CRPPA: variants seen among roughly 807,000 people sequenced by gnomAD.
CRPPA encodes D-ribitol-5-phosphate cytidylyltransferase.
CRPPA carries 43 observed loss-of-function variants against 52.0 expected under a neutral mutation model. The observed-to-expected ratio is 0.83, with a 90% CI of 0.65 to 1.07. The LOEUF is 1.07. CRPPA is among the 50% of genes least tolerant of loss of function. CRPPA has a pLI of 0.00. For missense variants in CRPPA, 629 were observed against 551.7 expected, an observed-to-expected ratio of 1.14 and a Z score of -1.40; for synonymous variants, 250 against 203.5, an observed-to-expected ratio of 1.23 and a Z score of -1.94.
intron 2 of CRPPA, among the ~76,000 whole-genome samples, chr7:16,387,579 AT>A (rs1417787587): frequency 1.3e-5 from 2 of 148,396 alleles, no homozygotes; most frequent in Non-Finnish European, 3.0e-5. Context: ...TTTTAAATCT[AT>A]CACATGCTGT....
At chr7:16,241,058 A>C (rs918206828) in intron 8 of CRPPA, among the ~76,000 whole-genome samples, 2 of 152,162 alleles carry the variant, frequency 1.3e-5, no homozygotes, top group Non-Finnish European at 2.9e-5. Context: ...TATATGATAC[A>C]CAGTAATACA....
intron 2 of CRPPA, among the ~76,000 whole-genome samples, chr7:16,395,340 C>T (rs116557647): frequency 5.3e-5 from 8 of 152,136 alleles, no homozygotes; most frequent in Non-Finnish European, 1.0e-4. Flanking sequence ...ATACAGCAGG[C>T]ACTAACATGC....
intron 5 of CRPPA, among the ~76,000 whole-genome samples, chr7:16,283,700 G>A (rs1418157569): frequency 6.6e-6 from 1 of 151,686 alleles, no homozygotes; most frequent in Non-Finnish European, 1.5e-5. Flanking sequence ...TAGTGAGATA[G>A]AGCTGCATTC....
At chr7:16,155,792 G>C (rs1325351982) in intron 9 of CRPPA, among the ~76,000 whole-genome samples, 3 of 152,036 alleles carry the variant, frequency 2.0e-5, no homozygotes, top group African/African-American at 7.2e-5. Context: ...CTGTGCAGTG[G>C]GTCAGCACGT....
chr7:16,325,070 A>T (rs1032089967), intron 3 of CRPPA, among the ~76,000 whole-genome samples: 2 of 152,198 alleles, frequency 1.3e-5, no homozygotes, highest in African/African-American at 4.8e-5. Context: ...GCTTCTGTTG[A>T]ATTCATAAAC....
At chr7:16,293,495 G>A (rs1784604337) in intron 5 of CRPPA, among the ~76,000 whole-genome samples, 1 of 151,858 alleles carries the variant, frequency 6.6e-6, no homozygotes, top group Non-Finnish European at 1.5e-5. Flanking sequence ...ATATCTCTAA[G>A]TTTCATCTGT....
intron 3 of CRPPA, among the ~76,000 whole-genome samples, chr7:16,310,520 T>A (rs1785011125): frequency 6.6e-6 from 1 of 152,146 alleles, no homozygotes. Flanking sequence ...CTGCAATTTT[T>A]TAAAAACTAT....
intron 2 of CRPPA, among the ~76,000 whole-genome samples, chr7:16,403,637 G>C (rs1583583839): frequency 6.6e-6 from 1 of 152,202 alleles, no homozygotes; most frequent in Non-Finnish European, 1.5e-5. Flanking sequence ...AAAACAGTCT[G>C]AACGGTGTGT....
chr7:16,399,507 C>CGT (rs10641608), intron 2 of CRPPA, among the ~76,000 whole-genome samples: 75,686 of 151,674 alleles, frequency 0.5, 20,452 homozygotes, highest in African/African-American at 0.71. Flanking sequence ...TCGTGACCAA[C>CGT]GTGACCAGAG....
intron 8 of CRPPA, among the ~76,000 whole-genome samples, chr7:16,239,137 C>CAAAAAAAAAAAAAAAAAA (rs35537101): frequency 1.0e-4 from 9 of 88,504 alleles, no homozygotes; most frequent in Non-Finnish European, 2.0e-4. Flanking sequence ...GACTCTGTCT[C>CAAAAAAAAAAAAAAAAAA]AAAAAAAAAA....
intron 2 of CRPPA, among the ~76,000 whole-genome samples, chr7:16,401,043 G>A (rs1043674920): frequency 1.3e-5 from 2 of 152,164 alleles, no homozygotes; most frequent in Non-Finnish European, 1.5e-5. Context: ...ATAGAGGCAT[G>A]ACTAATTCAA....
intron 2 of CRPPA, among the ~76,000 whole-genome samples, chr7:16,392,347 C>A (rs1427101921): frequency 2.6e-5 from 4 of 152,094 alleles, no homozygotes. Context: ...ATCACCCATG[C>A]AGAAAACATC....
chr7:16,159,911 T>C (rs975160448), intron 9 of CRPPA, among the ~76,000 whole-genome samples: 5 of 152,196 alleles, frequency 3.3e-5, no homozygotes, highest in African/African-American at 1.2e-4. Context: ...CTCATTGTGG[T>C]TTTGATTTGC....
chr7:16,253,524 A>G (rs775280927), intron 8 of CRPPA, among the ~76,000 whole-genome samples: 12 of 152,206 alleles, frequency 7.9e-5, no homozygotes, highest in Non-Finnish European at 1.6e-4. Flanking sequence ...TTTACTTCCA[A>G]CTATATGGTC....
intron 6 of CRPPA, chr7:16,261,806 G>A (rs1167891068): frequency 6.6e-6 from 1 of 151,902 alleles, no homozygotes; most frequent in African/African-American, 2.4e-5. Context: ...GGATTTCAAT[G>A]TCAAGCAGTT....
chr7:16,183,738 C>T (rs951875629), intron 9 of CRPPA, among the ~76,000 whole-genome samples: 1 of 151,982 alleles, frequency 6.6e-6, no homozygotes, highest in Non-Finnish European at 1.5e-5. Flanking sequence ...TTATTACATA[C>T]AATTCTGCCC....
At chr7:16,157,814 A>G (rs1046976885) in intron 9 of CRPPA, among the ~76,000 whole-genome samples, 4 of 151,808 alleles carry the variant, frequency 2.6e-5, no homozygotes, top group African/African-American at 9.7e-5. Flanking sequence ...CCTTGAACAT[A>G]CCATGCTTGC....
intron 9 of CRPPA, among the ~76,000 whole-genome samples, chr7:16,207,844 A>G (rs1407508012): frequency 6.6e-6 from 1 of 152,236 alleles, no homozygotes; most frequent in Middle Eastern, 3.2e-3. Context: ...GTTATAGGAA[A>G]TCAGATCAAT....
intron 5 of CRPPA, among the ~76,000 whole-genome samples, chr7:16,298,115 T>C (rs903571209): frequency 1.3e-5 from 2 of 152,162 alleles, no homozygotes; most frequent in African/African-American, 4.8e-5. Flanking sequence ...CAGAGACAAT[T>C]TGAATACAAG....
Sources: allele counts gnomAD v4.1 joint callset (sites outside exome capture counted in the v4.1 genomes callset), GRCh38; gene constraint gnomAD v4.1.1; transcripts MANE v1.5; gene names NCBI Gene and HGNC (gene_info 2026-07-23, HGNC 2026-07-21).